APOLD1: variants seen among roughly 807,000 people sequenced by gnomAD.
APOLD1 encodes apolipoprotein L domain-containing protein 1.
APOLD1 carries 22 observed loss-of-function variants against 15.3 expected under a neutral mutation model. The ratio of observed to expected loss-of-function variants is 1.44; its 90% CI spans 1.03 to 2.05. APOLD1 has a LOEUF of 2.05. APOLD1 is among the 30% of genes most tolerant of loss of function. The probability of loss-of-function intolerance (pLI) is 0.00; values close to 1 mark genes in which losing one functional copy is unlikely to be tolerated. For synonymous variants in APOLD1, 190 were observed against 167.4 expected, an observed-to-expected ratio of 1.13 and a Z score of -1.04; for missense variants, 394 against 353.5, an observed-to-expected ratio of 1.11 and a Z score of -0.92.
intron 1 of APOLD1, among the ~76,000 whole-genome samples, chr12:12,786,045 C>T (rs1947121495): frequency 1.3e-5 from 2 of 152,272 alleles, no homozygotes; most frequent in East Asian, 1.9e-4. Flanking sequence ...TATACTTTTC[C>T]CCCAAGATGT....
chr12:12,785,420 T>G (rs1947116099), upstream of APOLD1, among the ~76,000 whole-genome samples: 1 of 152,184 alleles, frequency 6.6e-6, no homozygotes, highest in African/African-American at 2.4e-5. Flanking sequence ...TTGTTTCAAG[T>G]TAGGGAAGAG....
At chr12:12,740,398 T>C (rs1946722207) in intron 1 of APOLD1, among the ~76,000 whole-genome samples, 1 of 152,258 alleles carries the variant, frequency 6.6e-6, no homozygotes, top group Admixed American at 6.5e-5. Context: ...ATTACAGGCA[T>C]GAGCCACTGT....
At chr12:12,754,202 C>CAAAAAAAAAAGGAA (rs1946837685) in intron 1 of APOLD1, among the ~76,000 whole-genome samples, 1 of 78,298 alleles carries the variant, frequency 1.3e-5, no homozygotes, top group African/African-American at 4.5e-5. Context: ...GACTCTGTCT[C>CAAAAAAAAAAGGAA]AAAAAAAAAA....
chr12:12,762,735 G>A (rs186290412), intron 1 of APOLD1, among the ~76,000 whole-genome samples: 87 of 152,166 alleles, frequency 5.7e-4, no homozygotes, highest in Non-Finnish European at 1.1e-3. Flanking sequence ...GAACCCACTC[G>A]GAAACATTTG....
chr12:12,784,102 C>G (rs1443453583), upstream of APOLD1, among the ~76,000 whole-genome samples: 1 of 152,204 alleles, frequency 6.6e-6, no homozygotes, highest in East Asian at 1.9e-4. Flanking sequence ...CTATTTTCCT[C>G]TACCTTCTGG....
chr12:12,735,109 A>G (rs1592289147), intron 1 of APOLD1, among the ~76,000 whole-genome samples: 1 of 151,164 alleles, frequency 6.6e-6, no homozygotes, highest in Non-Finnish European at 1.5e-5. Flanking sequence ...ATCCACCAAC[A>G]CTCCCTTTAG....
At chr12:12,737,318 A>G (rs1235115571) in intron 1 of APOLD1, among the ~76,000 whole-genome samples, 2 of 152,148 alleles carry the variant, frequency 1.3e-5, no homozygotes, top group East Asian at 1.9e-4. Context: ...ACAGGAAGCT[A>G]TAATGGCTGT....
upstream of APOLD1, among the ~76,000 whole-genome samples, chr12:12,781,557 T>C (rs573083948): frequency 2.8e-4 from 42 of 147,790 alleles, no homozygotes; most frequent in Non-Finnish European, 6.0e-4. Flanking sequence ...AGACGGAGTC[T>C]CGCTCTGTCG....
In APOLD1 at chr12:12,726,265, T is replaced by C; in HGVS notation, c.96+169T>C. 3 of 728,534 alleles carry C rather than the reference T, an allele frequency of 4.1e-6. No homozygotes were observed. In the East Asian group the frequency reaches 8.1e-5, roughly 20 times the overall value. The allele number at this position is 728,534 out of a possible 1,614,324, so 45.1% of individuals were successfully genotyped here. ...CCAGTCGGTGTCATTTTTATTGAATTAAATTTTAAAAAAGTTTTCTTTGAT... is the reference window on the plus strand; with the variant it reads ...CCAGTCGGTGTCATTTTTATTGAATCAAATTTTAAAAAAGTTTTCTTTGAT... On this transcript the variant is annotated intron_variant, in intron 1 of 1. Coordinates refer to the APOLD1 transcript ENST00000326765.
At chr12:12,742,371 G>A (rs1236945058) in intron 1 of APOLD1, among the ~76,000 whole-genome samples, 1 of 152,172 alleles carries the variant, frequency 6.6e-6, no homozygotes, top group Non-Finnish European at 1.5e-5. Context: ...AGGCCCAAGG[G>A]AAAAGTTTTA....
At chr12:12,739,090 G>C (rs1180049031) in intron 1 of APOLD1, among the ~76,000 whole-genome samples, 1 of 152,186 alleles carries the variant, frequency 6.6e-6, no homozygotes, top group Non-Finnish European at 1.5e-5. Context: ...TTGGGGAGGG[G>C]GGTGTTCTGG....
In APOLD1 at chr12:12,787,350, G is replaced by A. The variant is rs1947139399; in HGVS notation, c.445G>A (p.Asp149Asn). ...TTTCTGCCGCTGGCAGGGCTGCGGG[G>A]ACCGCCAGCTGCTGCAGTGCGGGAG... ...EFFCRWQGCG[D>N]RQLLQCGRNA... Residue 149 changes from aspartate to asparagine, a missense_variant, in exon 2 of 2, where the codon GAC becomes AAC. Physicochemically the swap from Asp to Asn is conservative, Grantham distance 23. Coordinates refer to ENST00000356591, the MANE Select transcript of APOLD1 (RefSeq NM_030817.3). The surrounding 1 kb of genome is among the most constrained non-coding windows in gnomAD (Gnocchi z 4.9). The A allele has an allele frequency of 1.9e-6, 3 of 1,613,988 alleles. No homozygotes were observed. The highest frequency in any genetic ancestry group is 2.2e-5 in the South Asian group (2 of 91,088).
chr12:12,780,696 C>T (rs891931644), upstream of APOLD1, among the ~76,000 whole-genome samples: 1 of 98,352 alleles, frequency 1.0e-5, no homozygotes, highest in African/African-American at 3.1e-5. Flanking sequence ...TCAAGCGATC[C>T]TCCCACCTCC....
rs1325388094 is a variant in APOLD1, at chr12:12,789,162, C to A, written c.*1510C>A. ...GTTTGCATTTAATTTTATTTAATCACCACATTTAGAAAATAATAAGAGCAA... is the reference window on the plus strand; with the variant it reads ...GTTTGCATTTAATTTTATTTAATCAACACATTTAGAAAATAATAAGAGCAA... On this transcript the variant is annotated 3_prime_UTR_variant, in exon 2 of 2. Transcript: ENST00000356591. The A allele has an allele frequency of 6.6e-6, 1 of 152,118 alleles. No individual in the cohort carries two copies. Among genetic ancestry groups the A allele is most frequent in the Non-Finnish European group, 1.5e-5 (1 of 68,030 alleles). 9.4% of individuals were successfully genotyped at this position (152,118 alleles called of 1,614,324 possible). A position where few individuals can be genotyped will look rare whatever the true frequency, so the allele number is the denominator to read the frequency against.
At position 12,757,760 on chromosome 12, in the gene APOLD1, T is replaced by C. The variant is rs554726203; in HGVS notation, c.97-29149T>C. 1.6e-4 allele frequency among the ~76,000 whole-genome samples: 25 copies of C among 152,188 alleles called. No individual in the cohort carries two copies. The South Asian group carries it at 5.0e-3, about 30-fold the overall frequency. ...GTACAATTCAATGGCTTTTGGCTTA[T>C]TTACAGAGTTGTGCAACACCCTCCT... On this transcript the variant is annotated intron_variant, in intron 1 of 1. Coordinates refer to the APOLD1 transcript ENST00000326765.
At chr12:12,747,753 G>A (rs890922121) in intron 1 of APOLD1, among the ~76,000 whole-genome samples, 1 of 152,156 alleles carries the variant, frequency 6.6e-6, no homozygotes, top group Non-Finnish European at 1.5e-5. Flanking sequence ...TGGTTCATTG[G>A]CTAAAAAATT....
rs944960024 is a variant in APOLD1, at chr12:12,755,653, C to T, written c.96+29557C>T. ...CTCAGGAGTTCAGGACCAGCCTGGA[C>T]AACATGGAGAAACTTCATCTCTACC... On this transcript the variant is annotated intron_variant, in intron 1 of 1. Coordinates refer to the APOLD1 transcript ENST00000326765. Among the ~76,000 whole-genome samples the T allele has an allele frequency of 1.3e-5, 2 of 152,232 alleles. 1 individual carries two copies. Among genetic ancestry groups the T allele is most frequent in the Middle Eastern group, 6.8e-3 (2 of 294 alleles).
intron 1 of APOLD1, among the ~76,000 whole-genome samples, chr12:12,756,819 C>T (rs922530177): frequency 1.3e-5 from 2 of 151,950 alleles, no homozygotes; most frequent in African/African-American, 4.8e-5. Context: ...TAGAGTCTTG[C>T]TCTATTGCCC....
At chr12:12,733,596 A>G (rs1253907677) in intron 1 of APOLD1, among the ~76,000 whole-genome samples, 3 of 152,114 alleles carry the variant, frequency 2.0e-5, no homozygotes, top group African/African-American at 7.2e-5. Flanking sequence ...CCATGAAGGT[A>G]TTTCAATTTT....
Sources: allele counts gnomAD v4.1 joint callset (sites outside exome capture counted in the v4.1 genomes callset), GRCh38; gene constraint gnomAD v4.1.1; non-coding constraint Gnocchi (gnomAD v3.1); transcripts MANE v1.5; gene names NCBI Gene and HGNC (gene_info 2026-07-23, HGNC 2026-07-21).